SNW1: variants seen among roughly 807,000 people sequenced by gnomAD.
The protein encoded by SNW1 is SNW domain-containing protein 1.
A neutral mutation model predicts 75.6 loss-of-function variants in SNW1; 9 were observed. The ratio of observed to expected loss-of-function variants is 0.12; its 90% CI spans 0.07 to 0.21. SNW1 has a LOEUF of 0.21. Ranked by LOEUF, SNW1 falls within the 10% of genes least tolerant of loss-of-function variation. SNW1 has a pLI of 1.00. For missense variants in SNW1, 409 were observed against 670.9 expected (o/e 0.61, Z 4.31); for synonymous variants, 200 against 219.1 (o/e 0.91, Z 0.77).
chr14:77,740,783 T>C (rs924307463), intron 3 of SNW1, among the ~76,000 whole-genome samples: 2 of 152,130 alleles, frequency 1.3e-5, no homozygotes, highest in Admixed American at 6.6e-5. Context: ...ACATGGTTAT[T>C]ATCTGTCTCC....
intron 9 of SNW1, 32 bp from the exon 10 acceptor site, chr14:77,731,161 C>T (rs755257622): frequency 1.9e-6 from 3 of 1,607,634 alleles, no homozygotes; most frequent in Non-Finnish European, 2.5e-6. Context: ...AAACAGGACA[C>T]TATCATGGGA....
At chr14:77,733,896 T>G (rs1301213000) in intron 8 of SNW1, 1 of 423,688 alleles carries the variant, frequency 2.4e-6, no homozygotes, top group Non-Finnish European at 4.7e-6. Context: ...TTAGCTTTAT[T>G]TTCCAGATAT....
At position 77,718,230 on chromosome 14, in the gene SNW1, C is replaced by G; in HGVS notation, c.1469G>C (p.Gly490Ala). The change falls in exon 14 of 14, where the codon GGA becomes GCA. Residue 490 changes from glycine to alanine, a missense_variant. Gly to Ala is a moderately conservative substitution (Grantham distance 60). This residue lies in a region of SNW1 where 126 missense variants were observed against 167.6 expected (regional missense o/e 0.75). Coordinates refer to ENST00000261531, the MANE Select transcript of SNW1 (RefSeq NM_012245.3). The stretch of plus-strand genomic sequence containing the variant: ...AGGATCTTCCTCAAACTGCACTGGT[C>G]CTTCTCGGCCTCTCTGTCTACGGTC... ...GSDRRQRGREGPVQFEEDPFG... is the reference protein window; with the variant it reads ...GSDRRQRGREAPVQFEEDPFG... 1 of 1,613,476 alleles carries G rather than the reference C, an allele frequency of 6.2e-7. No individual in the cohort carries two copies. Among genetic ancestry groups the G allele is most frequent in the Non-Finnish European group, 8.5e-7 (1 of 1,179,644 alleles).
At chr14:77,747,611 G>A (rs567262833) in intron 3 of SNW1, among the ~76,000 whole-genome samples, 4 of 149,230 alleles carry the variant, frequency 2.7e-5, no homozygotes, top group South Asian at 2.2e-4. Flanking sequence ...CGGCCACCCC[G>A]TCTGAGAAGG....
chr14:77,721,375 G>A (rs2139891721), intron 11 of SNW1, among the ~76,000 whole-genome samples: 1 of 152,266 alleles, frequency 6.6e-6, no homozygotes, highest in African/African-American at 2.4e-5. Flanking sequence ...ACATCCCAAT[G>A]AAACCATGGT....
At chr14:77,729,429 C>T (rs940032494) in intron 10 of SNW1, among the ~76,000 whole-genome samples, 1 of 152,080 alleles carries the variant, frequency 6.6e-6, no homozygotes. Context: ...TTTTTGTTAC[C>T]TCTTGTTACT....
intron 8 of SNW1, chr14:77,733,996 C>T (rs1461276819): frequency 7.0e-6 from 3 of 425,784 alleles, no homozygotes; most frequent in Non-Finnish European, 1.4e-5. Flanking sequence ...CATCCAGTTA[C>T]AAAATACCAA....
rs758783796 is a variant in SNW1 at position 77,738,818 on chromosome 14, C to T, written c.493G>A (p.Val165Ile). 1.2e-6 allele frequency: 2 copies of T among 1,614,174 alleles called. No individual in the cohort carries two copies. Among genetic ancestry groups the T allele is most frequent in the South Asian group, 2.2e-5 (2 of 91,082 alleles). ...VSQKVAAAMP[V>I]RAADKLAPAQ... ...GGAGCCAATTTGTCAGCTGCTCGAA[C>T]TGGCATGGCTGCGGCGACCTTCTGT... The change falls in exon 5 of 14, where the codon GTT (valine) becomes ATT (isoleucine). Residue 165 changes from valine (V) to isoleucine (I), a missense_variant. Val to Ile is a conservative substitution (Grantham distance 29, BLOSUM62 3). This residue lies in a region of SNW1 where 70 missense variants were observed against 136.7 expected (regional missense o/e 0.51). Transcript: ENST00000261531.
chr14:77,744,929 T>C (rs186832296), intron 3 of SNW1, among the ~76,000 whole-genome samples: 1 of 152,304 alleles, frequency 6.6e-6, no homozygotes, highest in Admixed American at 6.5e-5. Context: ...CTAATTTTCC[T>C]TTTGCAGGAG....
At chr14:77,722,220 C>CA (rs1228674757) in intron 11 of SNW1, among the ~76,000 whole-genome samples, 1 of 152,164 alleles carries the variant, frequency 6.6e-6, no homozygotes, top group Non-Finnish European at 1.5e-5. Context: ...TTTTAGTCCT[C>CA]AGCCTTTGGT....
At chr14:77,734,851 C>T (rs1425132081) in intron 8 of SNW1, 96 bp downstream of exon 8, 6 of 783,556 alleles carry the variant, frequency 7.7e-6, no homozygotes, top group African/African-American at 5.3e-5. Context: ...AGTTAAACCA[C>T]GTGTTGTTTC....
chr14:77,721,905 AC>A (rs1440483746), intron 11 of SNW1, among the ~76,000 whole-genome samples: 2 of 151,946 alleles, frequency 1.3e-5, no homozygotes, highest in Non-Finnish European at 2.9e-5. Flanking sequence ...GTGCCACCAC[AC>A]CCAGCTAATT....
chr14:77,742,992 G>A (rs544274500), intron 3 of SNW1, among the ~76,000 whole-genome samples: 5 of 152,038 alleles, frequency 3.3e-5, no homozygotes, highest in Admixed American at 6.5e-5. Flanking sequence ...TTAGGAGGCC[G>A]AGGTGGGTGG....
chr14:77,733,940 A>T (rs2080648783), intron 8 of SNW1: 1 of 446,636 alleles, frequency 2.2e-6, no homozygotes, highest in Non-Finnish European at 4.5e-6. Flanking sequence ...CTTTTAGTCC[A>T]TGGTCTCATA....
chr14:77,747,073 C>T (rs193153576), intron 3 of SNW1, among the ~76,000 whole-genome samples: 2 of 152,124 alleles, frequency 1.3e-5, no homozygotes, highest in African/African-American at 2.4e-5. Flanking sequence ...CGCGCCGCCA[C>T]GCCTGACTGG....
chr14:77,729,530 AAT>A (rs141386254), intron 10 of SNW1, among the ~76,000 whole-genome samples: 5,801 of 152,268 alleles, frequency 0.038, 162 homozygotes, highest in South Asian at 0.056. Flanking sequence ...GTCTTTTAAA[AAT>A]ATATGTTAGG....
Position 77,717,893 on chromosome 14 carries a change from C to G in SNW1, c.*195G>C. On this transcript the variant is annotated 3_prime_UTR_variant, in exon 14 of 14. Transcript: ENST00000261531. ...AAAGGTGGGAGAAGCACAAACACAACCCACTCTTTAAAAAAAACTAAATAA... is the reference window on the plus strand; with the variant it reads ...AAAGGTGGGAGAAGCACAAACACAAGCCACTCTTTAAAAAAAACTAAATAA... The G allele has an allele frequency of 1.8e-6, 1 of 561,442 alleles. No individual in the cohort carries two copies. Among genetic ancestry groups the G allele is most frequent in the East Asian group, 2.9e-5 (1 of 34,954 alleles). 34.8% of individuals were successfully genotyped at this position (561,442 alleles called of 1,614,324 possible). A position where few individuals can be genotyped will look rare whatever the true frequency, so the allele number is the denominator to read the frequency against.
At chr14:77,743,577 A>G (rs539317320) in intron 3 of SNW1, among the ~76,000 whole-genome samples, 1 of 152,224 alleles carries the variant, frequency 6.6e-6, no homozygotes, top group Non-Finnish European at 1.5e-5. Context: ...TAACCTGTTC[A>G]GTCTCTGGAA....
In SNW1 at chr14:77,751,426, C is replaced by G; in HGVS notation, c.223G>C (p.Asp75His). 1 of 1,613,690 alleles carries G rather than the reference C, an allele frequency of 6.2e-7. No individual in the cohort carries two copies. Among genetic ancestry groups the G allele is most frequent in the Non-Finnish European group, 8.5e-7 (1 of 1,179,822 alleles). Residue 75 changes from aspartate (D) to histidine (H), a missense_variant, in exon 3 of 14, where the codon GAT (aspartate) becomes CAT (histidine). Physicochemically the swap from Asp to His is moderately conservative, Grantham distance 81. Around this residue, in one of 9 missense-constraint regions of SNW1, gnomAD observed 10 missense variants for 29.4 expected, o/e 0.34. Transcript: ENST00000261531. ...GACATTTTTTTCTTTCGTCCCATATCCAGTGGATACTGGGCCACATGGATC... is the reference window on the plus strand; with the variant it reads ...GACATTTTTTTCTTTCGTCCCATATGCAGTGGATACTGGGCCACATGGATC... ...PEIHVAQYPL[D>H]MGRKKKMSNA...
Sources: allele counts gnomAD v4.1 joint callset (sites outside exome capture counted in the v4.1 genomes callset), GRCh38; gene constraint gnomAD v4.1.1; regional missense constraint gnomAD v4.1.1; transcripts MANE v1.5; gene names NCBI Gene and HGNC (gene_info 2026-07-23, HGNC 2026-07-21).